ZNF320: variants seen among roughly 807,000 people sequenced by gnomAD.
ZNF320 encodes the protein zinc finger gene 320.
A neutral mutation model predicts 6.8 loss-of-function variants in ZNF320; 2 were observed. The ratio of observed to expected loss-of-function variants is 0.29; its 90% CI spans 0.12 to 0.93. The LOEUF is 0.93. ZNF320 is among the 40% of genes least tolerant of loss of function. ZNF320 has a pLI of 0.55. For missense variants in ZNF320, 472 were observed against 611.0 expected (o/e 0.77, Z 2.40); for synonymous variants, 208 against 203.2 (o/e 1.02, Z -0.20).
intron 5 of ZNF320, among the ~76,000 whole-genome samples, chr19:52,887,211 G>A (rs202063350): frequency 1.1e-4 from 17 of 151,700 alleles, no homozygotes; most frequent in South Asian, 2.1e-4. Flanking sequence ...TCTTACCTGC[G>A]TTTACACCTG....
At chr19:52,890,806 A>G (rs932233666) in intron 3 of ZNF320, among the ~76,000 whole-genome samples, 1 of 152,004 alleles carries the variant, frequency 6.6e-6, no homozygotes, top group African/African-American at 2.4e-5. Context: ...CTTGTGCTCA[A>G]GAGTTCGAGA....
At chr19:52,872,472 G>A (rs1042041581), downstream of ZNF320, among the ~76,000 whole-genome samples, 6 of 152,102 alleles carry the variant, frequency 3.9e-5, no homozygotes, top group Non-Finnish European at 7.4e-5. Flanking sequence ...GACCTGCACC[G>A]GCATCGACCT....
downstream of ZNF320, among the ~76,000 whole-genome samples, chr19:52,860,063 C>T (rs1233980307): frequency 6.6e-6 from 1 of 152,054 alleles, no homozygotes; most frequent in Non-Finnish European, 1.5e-5. Flanking sequence ...CAGGCGCCCG[C>T]CACCACGCCC....
At chr19:52,868,504 C>CAA (rs879448381) in intron 5 of ZNF320, among the ~76,000 whole-genome samples, 8 of 127,708 alleles carry the variant, frequency 6.3e-5, no homozygotes, top group African/African-American at 8.5e-5. Flanking sequence ...GAAACTCTGT[C>CAA]AAAAAAAAAA....
chr19:52,897,166 T>C (rs949280283), intron 1 of ZNF320, among the ~76,000 whole-genome samples: 1 of 152,158 alleles, frequency 6.6e-6, no homozygotes, highest in African/African-American at 2.4e-5. Context: ...TTCCAGGAGT[T>C]GGAACTAGGT....
Position 52,880,816 on chromosome 19 carries a change from C to T in ZNF320, c.1310G>A (p.Gly437Glu). 1 of 1,613,950 alleles carries T rather than the reference C, an allele frequency of 6.2e-7. No homozygotes were observed. The highest frequency in any genetic ancestry group is 1.1e-5 in the South Asian group (1 of 91,078). The change falls in exon 6 of 6, where the codon GGA (glycine) becomes GAA (glutamate). Residue 437 changes from glycine (G) to glutamate (E), a missense_variant. Around this residue, in one of 2 missense-constraint regions of ZNF320, gnomAD observed 462 missense variants for 559.7 expected, o/e 0.83. Transcript: ENST00000682928. Reference sequence around the variant, plus strand: ...ATCACCACACTTGTGAGGTTTCTCTCCTGTATGAATCCTCCTATGTCTTTC... The same window carrying T: ...ATCACCACACTTGTGAGGTTTCTCTTCTGTATGAATCCTCCTATGTCTTTC... ...HLERHRRIHT[G>E]EKPHKCGDCG...
chr19:52,867,359 A>C (rs185783437), intron 5 of ZNF320, among the ~76,000 whole-genome samples: 4 of 151,540 alleles, frequency 2.6e-5, no homozygotes, highest in Non-Finnish European at 5.9e-5. Flanking sequence ...CACCACCCCC[A>C]GCTAATATTT....
At chr19:52,886,966 A>AAAAG (rs967015859) in intron 5 of ZNF320, among the ~76,000 whole-genome samples, 1 of 78,566 alleles carries the variant, frequency 1.3e-5, no homozygotes, top group Non-Finnish European at 2.8e-5. Flanking sequence ...AGAAAGAAAG[A>AAAAG]AAAGAAAGAA....
intron 1 of ZNF320, among the ~76,000 whole-genome samples, chr19:52,896,348 C>T (rs1053461048): frequency 1.3e-5 from 2 of 152,242 alleles, no homozygotes; most frequent in Non-Finnish European, 2.9e-5. Flanking sequence ...GCCTTGGCCT[C>T]CCAAAGTGCT....
downstream of ZNF320, among the ~76,000 whole-genome samples, chr19:52,873,088 C>G (rs2063708725): frequency 6.6e-6 from 1 of 152,264 alleles, no homozygotes; most frequent in East Asian, 1.9e-4. Flanking sequence ...AATGTACAAT[C>G]GGGTTTTACA....
chr19:52,887,984 A>G, intron 5 of ZNF320, 143 bp downstream of exon 5: 1 of 1,410,158 alleles, frequency 7.1e-7, no homozygotes, highest in Non-Finnish European at 9.6e-7. Context: ...GAAAGTCCAG[A>G]TGCTACATCA....
chr19:52,899,138 G>A (rs1051503217), upstream of ZNF320, among the ~76,000 whole-genome samples: 1 of 152,166 alleles, frequency 6.6e-6, no homozygotes, highest in Non-Finnish European at 1.5e-5. Context: ...CTAAGGTAGC[G>A]ATGAAGCTTT....
downstream of ZNF320, among the ~76,000 whole-genome samples, chr19:52,860,153 G>A (rs1453078846): frequency 6.6e-6 from 1 of 151,966 alleles, no homozygotes; most frequent in East Asian, 1.9e-4. Context: ...ACCTTGTGAT[G>A]CTCCCGCCTC....
At chr19:52,898,426 C>T (rs1199378780), upstream of ZNF320, among the ~76,000 whole-genome samples, 1 of 152,224 alleles carries the variant, frequency 6.6e-6, no homozygotes, top group African/African-American at 2.4e-5. Context: ...TCCAGGCCAG[C>T]GTGGGCGACA....
intron 5 of ZNF320, among the ~76,000 whole-genome samples, chr19:52,869,705 T>C (rs1342262909): frequency 6.6e-6 from 1 of 150,640 alleles, no homozygotes; most frequent in Admixed American, 6.6e-5. Context: ...CCTGGCTAAA[T>C]TTTCTATTTA....
intron 5 of ZNF320, among the ~76,000 whole-genome samples, chr19:52,870,912 CT>C: frequency 6.6e-6 from 1 of 152,202 alleles, no homozygotes; most frequent in East Asian, 1.9e-4. Flanking sequence ...CTTTGGGAGG[CT>C]GAGGTGAAAA....
At chr19:52,872,736 C>T (rs539539229), downstream of ZNF320, among the ~76,000 whole-genome samples, 36 of 152,186 alleles carry the variant, frequency 2.4e-4, no homozygotes, top group East Asian at 6.0e-3. Context: ...CTCCTGACCT[C>T]GTGATCTGCC....
At chr19:52,886,174 T>C (rs1159237210) in intron 5 of ZNF320, among the ~76,000 whole-genome samples, 1 of 152,050 alleles carries the variant, frequency 6.6e-6, no homozygotes, top group African/African-American at 2.4e-5. Flanking sequence ...TCACTCTGTC[T>C]CCCAGGCTGG....
At chr19:52,861,719 C>G (rs1427183885) in exon 6 of ZNF320, 1 of 265,762 alleles carries the variant, frequency 3.8e-6, no homozygotes, top group Non-Finnish European at 8.0e-6. Context: ...ACTCTAATGA[C>G]AATTAATGCT....
Sources: gnomAD v4.1 joint callset for allele counts (sites outside exome capture counted in the v4.1 genomes callset) on GRCh38, gnomAD v4.1.1 for gene constraint, gnomAD v4.1.1 regional missense constraint, MANE v1.5 for transcripts, NCBI Gene and HGNC (gene_info 2026-07-23, HGNC 2026-07-21) for gene names.